The following LMCD1 variants were observed in gnomAD, a reference collection of about 807,000 sequenced individuals.
LMCD1 encodes the protein LIM and cysteine-rich domains protein 1.
A neutral mutation model predicts 42.7 loss-of-function variants in LMCD1; 32 were observed. The observed-to-expected ratio is 0.75, with a 90% CI of 0.57 to 1.01. The LOEUF is 1.01. LMCD1 is among the 50% of genes least tolerant of loss of function. The probability of loss-of-function intolerance (pLI) is 0.00; values close to 1 mark genes in which losing one functional copy is unlikely to be tolerated. For missense variants in LMCD1, 458 were observed against 483.1 expected (o/e 0.95, Z 0.49); for synonymous variants, 178 against 184.9 (o/e 0.96, Z 0.30).
chr3:8,520,510 G>C (rs1694183131), intron 1 of LMCD1, among the ~76,000 whole-genome samples: 1 of 152,162 alleles, frequency 6.6e-6, no homozygotes, highest in Admixed American at 6.5e-5. Context: ...AGGGGAGTAA[G>C]GGGTCCCCAC....
intron 3 of LMCD1, among the ~76,000 whole-genome samples, chr3:8,546,237 A>G (rs1694732774): frequency 1.3e-5 from 2 of 152,246 alleles, no homozygotes; most frequent in African/African-American, 2.4e-5. Context: ...TGGGCCACAC[A>G]TAAAATACAC....
chr3:8,551,254 AAT>A, intron 4 of LMCD1: 1 of 985,358 alleles, frequency 1.0e-6, no homozygotes, highest in Non-Finnish European at 1.2e-6. Context: ...GCCATTGCTC[AAT>A]AAATATGTGA....
intron 1 of LMCD1, among the ~76,000 whole-genome samples, chr3:8,529,499 C>T (rs1026504786): frequency 2.6e-5 from 4 of 152,304 alleles, no homozygotes; most frequent in African/African-American, 9.6e-5. Context: ...TGCCTGACTG[C>T]ATGGGCTTTC....
intron 1 of LMCD1, among the ~76,000 whole-genome samples, chr3:8,520,378 C>G (rs1694181017): frequency 6.6e-6 from 1 of 152,128 alleles, no homozygotes; most frequent in Non-Finnish European, 1.5e-5. Flanking sequence ...GAGAAGGAGT[C>G]TGTTAAGGGC....
At chr3:8,554,198 A>T (rs1416736742) in intron 4 of LMCD1, among the ~76,000 whole-genome samples, 1 of 152,126 alleles carries the variant, frequency 6.6e-6, no homozygotes, top group Non-Finnish European at 1.5e-5. Flanking sequence ...ACTCTTGGTA[A>T]CAACCAGTGA....
intron 1 of LMCD1, among the ~76,000 whole-genome samples, chr3:8,504,854 A>G (rs1197939054): frequency 6.6e-6 from 1 of 152,206 alleles, no homozygotes; most frequent in African/African-American, 2.4e-5. Context: ...AATCTCGACT[A>G]TGGATTTGTT....
At chr3:8,550,710 ATGGTCTATAAAC>A in intron 4 of LMCD1, 5 of 974,900 alleles carry the variant, frequency 5.1e-6, no homozygotes, top group Non-Finnish European at 4.8e-6. Context: ...TCTAGTTACC[ATGGTCTATAAAC>A]TGGTCTTTTC....
chr3:8,564,026 T>C (rs543696176), intron 4 of LMCD1, among the ~76,000 whole-genome samples: 1 of 152,280 alleles, frequency 6.6e-6, no homozygotes, highest in South Asian at 2.1e-4. Context: ...TCAGGAGACA[T>C]GACAGTTAAG....
At chr3:8,517,858 A>T (rs1694127507) in intron 1 of LMCD1, among the ~76,000 whole-genome samples, 1 of 152,192 alleles carries the variant, frequency 6.6e-6, no homozygotes, top group African/African-American at 2.4e-5. Flanking sequence ...GTTTTTAAAC[A>T]TGTGTTTAAA....
chr3:8,508,203 C>T (rs920272419), intron 1 of LMCD1, among the ~76,000 whole-genome samples: 2 of 152,190 alleles, frequency 1.3e-5, no homozygotes, highest in African/African-American at 4.8e-5. Context: ...TGTCCCAGAG[C>T]TTTCAGGAAA....
chr3:8,556,665 C>T (rs559416883), intron 4 of LMCD1, among the ~76,000 whole-genome samples: 1 of 152,280 alleles, frequency 6.6e-6, no homozygotes, highest in Non-Finnish European at 1.5e-5. Context: ...TTGGAATGAA[C>T]ACATCTGAGA....
chr3:8,530,093 C>T (rs547137747), intron 1 of LMCD1, among the ~76,000 whole-genome samples: 25 of 152,218 alleles, frequency 1.6e-4, no homozygotes, highest in Non-Finnish European at 2.8e-4. Flanking sequence ...CTCTACCTCA[C>T]TTCTTGCTTC....
At chr3:8,553,101 G>A (rs1444547349) in intron 4 of LMCD1, among the ~76,000 whole-genome samples, 2 of 152,184 alleles carry the variant, frequency 1.3e-5, no homozygotes, top group African/African-American at 2.4e-5. Context: ...CACAGGTGCA[G>A]AATCTACCAC....
intron 4 of LMCD1, chr3:8,550,824 C>T: frequency 6.1e-6 from 6 of 985,192 alleles, no homozygotes; most frequent in Non-Finnish European, 7.2e-6. Flanking sequence ...TGGAAGGAGA[C>T]CTCTAAGTCA....
chr3:8,516,461 C>T (rs1330820167), intron 1 of LMCD1, among the ~76,000 whole-genome samples: 6 of 152,270 alleles, frequency 3.9e-5, no homozygotes, highest in African/African-American at 7.2e-5. Context: ...TCCTCAGCCA[C>T]GTTGACCAAA....
chr3:8,543,886 G>C (rs899455964), intron 3 of LMCD1, among the ~76,000 whole-genome samples: 1 of 152,186 alleles, frequency 6.6e-6, no homozygotes, highest in African/African-American at 2.4e-5. Context: ...AGGTTCTTCA[G>C]ACCTACCTGA....
rs1255135247 is a variant in LMCD1 at position 8,573,455 on chromosome 3, C to CA, written c.*5858dup. 6.6e-6 allele frequency: 1 copy of CA among 152,160 alleles called. No homozygotes were observed. Among genetic ancestry groups the CA allele is most frequent in the Admixed American group, 6.5e-5 (1 of 15,274 alleles). 9.4% of individuals were successfully genotyped at this position (152,160 alleles called of 1,614,324 possible). ...CCCATGGAGACACAAGCAATAGTGA[C>CA]ATGAGCACTTGACTCGCTGGGTTAT... On this transcript the variant is annotated 3_prime_UTR_variant, in exon 6 of 6. Transcript: ENST00000157600.
chr3:8,550,884 C>G, intron 4 of LMCD1: 1 of 985,236 alleles, frequency 1.0e-6, no homozygotes, highest in Non-Finnish European at 1.2e-6. Context: ...GATCTGACAT[C>G]GTGTTTTATT....
intron 3 of LMCD1, among the ~76,000 whole-genome samples, chr3:8,538,105 T>A (rs2125025561): frequency 6.6e-6 from 1 of 152,168 alleles, no homozygotes; most frequent in South Asian, 2.1e-4. Context: ...GACCATTGAG[T>A]CAGAAGCTCC....
Sources: gnomAD v4.1 joint callset for allele counts (sites outside exome capture counted in the v4.1 genomes callset) on GRCh38, gnomAD v4.1.1 for gene constraint, MANE v1.5 for transcripts, NCBI Gene and HGNC (gene_info 2026-07-23, HGNC 2026-07-21) for gene names.